The following TMPRSS11A variants were observed in gnomAD, a reference collection of about 807,000 sequenced individuals.
The protein encoded by TMPRSS11A is transmembrane serine protease 11A, also known as transmembrane protease serine 11A.
Under a neutral mutation model 58.9 loss-of-function variants are expected in TMPRSS11A, and 53 were observed. That is an observed-to-expected ratio of 0.90 (90% CI 0.72 to 1.13). The LOEUF (loss-of-function observed/expected upper bound fraction) is 1.13, where lower values mean the gene tolerates loss of function less well. Ranked by LOEUF, TMPRSS11A falls within the 50% of genes most tolerant of loss-of-function variation. The probability of loss-of-function intolerance (pLI) is 0.00; values close to 1 mark genes in which losing one functional copy is unlikely to be tolerated. For missense variants in TMPRSS11A, 493 were observed against 499.3 expected, an observed-to-expected ratio of 0.99 and a Z score of 0.12; for synonymous variants, 167 against 169.8, an observed-to-expected ratio of 0.98 and a Z score of 0.13.
At chr4:67,943,461 G>A (rs530388391) in intron 3 of TMPRSS11A, among the ~76,000 whole-genome samples, 1 of 152,246 alleles carries the variant, frequency 6.6e-6, no homozygotes, top group Admixed American at 6.5e-5. Context: ...TTTGCATCGA[G>A]GAGGTTATGT....
chr4:67,948,416 C>T (rs1354242194), intron 1 of TMPRSS11A, among the ~76,000 whole-genome samples: 3 of 152,082 alleles, frequency 2.0e-5, no homozygotes, highest in Non-Finnish European at 1.5e-5. Context: ...CCTCGGCCTC[C>T]CAAAGTGCTG....
chr4:67,947,604 A>G (rs1577869087), intron 1 of TMPRSS11A, among the ~76,000 whole-genome samples: 1 of 152,238 alleles, frequency 6.6e-6, no homozygotes, highest in Admixed American at 6.5e-5. Context: ...TGGCAAGAAT[A>G]CTTCAAAGGT....
intron 1 of TMPRSS11A, among the ~76,000 whole-genome samples, chr4:67,946,795 G>A (rs1439552359): frequency 1.3e-5 from 2 of 151,992 alleles, no homozygotes; most frequent in Non-Finnish European, 2.9e-5. Flanking sequence ...GCATTTGGTG[G>A]CCTCTTTGTG....
rs189222195 is a variant in TMPRSS11A, at chr4:67,919,131, C to G, written c.794G>C (p.Arg265Pro). ...AATGTCGTACTCTCTTGCTGCAGAGCGGTACTTCTCATGGATAATAAATCT... is the reference window on the plus strand; with the variant it reads ...AATGTCGTACTCTCTTGCTGCAGAGGGGTACTTCTCATGGATAATAAATCT... ...VRRFIIHEKY[R>P]SAAREYDIAV... The change falls in exon 8 of 10, where the codon CGC (arginine) becomes CCC (proline). Residue 265 changes from arginine to proline, a missense_variant. Physicochemically the swap from Arg to Pro is moderately radical, Grantham distance 103. Coordinates refer to ENST00000508048, the MANE Select transcript of TMPRSS11A (RefSeq NM_001114387.2). 1.2e-6 allele frequency: 2 copies of G among 1,614,026 alleles called. No individual in the cohort carries two copies. Among genetic ancestry groups the G allele is most frequent in the Admixed American group, 1.7e-5 (1 of 59,998 alleles).
At chr4:67,914,769 G>A (rs778538180) in intron 8 of TMPRSS11A, 39 bp from the exon 9 acceptor site, 1 of 1,571,294 alleles carries the variant, frequency 6.4e-7, no homozygotes, top group African/African-American at 1.4e-5. Flanking sequence ...TTTACAATCA[G>A]CATCTTTGGC....
At chr4:67,952,760 T>C (rs1484636360) in intron 1 of TMPRSS11A, among the ~76,000 whole-genome samples, 2 of 152,250 alleles carry the variant, frequency 1.3e-5, no homozygotes, top group African/African-American at 2.4e-5. Context: ...ATTCTTGATA[T>C]GTTATGTGTA....
chr4:67,937,664 G>A (rs554941084), intron 3 of TMPRSS11A, among the ~76,000 whole-genome samples: 12 of 152,138 alleles, frequency 7.9e-5, no homozygotes, highest in African/African-American at 2.9e-4. Context: ...GTAAAGAGGA[G>A]ATAAAAGTGC....
rs970341092 is a variant in TMPRSS11A, at chr4:67,928,298, G to A, written c.481+1582C>T. On this transcript the variant is annotated intron_variant, in intron 5 of 9. Transcript: ENST00000508048. ...TGACCTCAGGTGATCCACCCGCCTC[G>A]GCCTCCCAAAGTGCTGGAATTATAG... Among the ~76,000 whole-genome samples the A allele has an allele frequency of 3.3e-5, 5 of 152,066 alleles. No individual in the cohort carries two copies. In the East Asian group the frequency reaches 7.7e-4, roughly 23 times the overall value.
chr4:67,930,755 A>T (rs1239145798), intron 4 of TMPRSS11A, among the ~76,000 whole-genome samples: 1 of 93,194 alleles, frequency 1.1e-5, no homozygotes, highest in Non-Finnish European at 2.4e-5. Context: ...GTTTTTGTTT[A>T]AAAAAAAAAA....
intron 2 of TMPRSS11A, 59 bp downstream of exon 2, chr4:67,946,391 T>G: frequency 3.3e-6 from 5 of 1,519,776 alleles, no homozygotes; most frequent in South Asian, 2.6e-5. Context: ...TACATATATG[T>G]AAATGGAGCT....
chr4:67,935,368 T>A lies in TMPRSS11A; in HGVS notation c.253-3308A>T, dbSNP rs555777586. Among the ~76,000 whole-genome samples the A allele has an allele frequency of 2.6e-5, 4 of 152,320 alleles. No individual in the cohort carries two copies. In the East Asian group the frequency reaches 7.7e-4, roughly 29 times the overall value. On this transcript the variant is annotated intron_variant, in intron 3 of 9. Transcript: ENST00000508048. ...CCTTCTCATTCTGCAAGTTCTGTGT[T>A]CCTGAATCACAACTATCCTTCAAGG...
rs1319040675 is a variant in TMPRSS11A at position 67,944,521 on chromosome 4, A to T, written c.250T>A (p.Leu84Met). The T allele has an allele frequency of 2.5e-6, 4 of 1,608,378 alleles. No individual in the cohort carries two copies. The highest frequency in any genetic ancestry group is 3.4e-6 in the Non-Finnish European group (4 of 1,177,984). The stretch of plus-strand genomic sequence containing the variant: ...AAAAAGAAGTTTACCTGACTCACCA[A>T]ATTTTCGGTCGTCTCTCGTAAGTCC... ...LKDLRETTEN[L>M]VDEIFIDSAW... The change falls in exon 3 of 10, where the codon TTG becomes ATG. Residue 84 changes from leucine (L) to methionine (M), a missense_variant and splice_region_variant. Physicochemically the swap from Leu to Met is conservative, Grantham distance 15. Transcript: ENST00000508048.
At chr4:67,949,878 C>G (rs1354032257) in intron 1 of TMPRSS11A, among the ~76,000 whole-genome samples, 2 of 152,136 alleles carry the variant, frequency 1.3e-5, no homozygotes, top group Non-Finnish European at 2.9e-5. Flanking sequence ...TCATCACCTT[C>G]TCATTCTGCA....
chr4:67,920,968 G>A lies in TMPRSS11A; in HGVS notation c.693-1736C>T, dbSNP rs190863997. ...TTAGCAAACTAAAGCTCACAGTAATGATATTTATTTTCACTTATGGTTTGG... is the reference window on the plus strand; with the variant it reads ...TTAGCAAACTAAAGCTCACAGTAATAATATTTATTTTCACTTATGGTTTGG... On this transcript the variant is annotated intron_variant, in intron 7 of 9. Coordinates refer to ENST00000508048, the MANE Select transcript of TMPRSS11A (RefSeq NM_001114387.2). 1.1e-4 allele frequency among the ~76,000 whole-genome samples: 17 copies of A among 152,128 alleles called. No homozygotes were observed. In the East Asian group the frequency reaches 3.1e-3, roughly 28 times the overall value.
At chr4:67,914,807 TA>T (rs1278136105) in intron 8 of TMPRSS11A, 77 bp from the exon 9 acceptor site, 1 of 1,265,002 alleles carries the variant, frequency 7.9e-7, no homozygotes, top group African/African-American at 1.5e-5. Context: ...ACTTTCCTAA[TA>T]TTTTTTTCAT....
chr4:67,939,963 A>G (rs78504715), intron 3 of TMPRSS11A, among the ~76,000 whole-genome samples: 3,002 of 152,320 alleles, frequency 0.02, 67 homozygotes, highest in East Asian at 0.12. Flanking sequence ...TGCTGGGATT[A>G]CAAGTGTGAG....
chr4:67,912,281 A>AAC lies in TMPRSS11A; in HGVS notation c.1096-780_1096-779dup, dbSNP rs58492227. 2.9e-3 allele frequency among the ~76,000 whole-genome samples: 441 copies of AAC among 149,834 alleles called. 2 individuals are homozygous for AAC. Among genetic ancestry groups the AAC allele is most frequent in the Middle Eastern group, 0.014 (4 of 290 alleles). ...TCCTCTGAAGCTGTTCCACCATATCAACACACACACACACACACACACACA... is the reference window on the plus strand; with the variant it reads ...TCCTCTGAAGCTGTTCCACCATATCAACACACACACACACACACACACACACA... On this transcript the variant is annotated intron_variant, in intron 9 of 9. Coordinates refer to ENST00000508048, the MANE Select transcript of TMPRSS11A (RefSeq NM_001114387.2).
intron 7 of TMPRSS11A, among the ~76,000 whole-genome samples, chr4:67,922,544 T>G (rs1293742841): frequency 6.6e-6 from 1 of 152,208 alleles, no homozygotes; most frequent in African/African-American, 2.4e-5. Context: ...TTTGAGGAAA[T>G]GATTGATGGA....
At chr4:67,931,891 A>G in intron 4 of TMPRSS11A, 102 bp downstream of exon 4, 1 of 703,560 alleles carries the variant, frequency 1.4e-6, no homozygotes, top group South Asian at 2.1e-5. Context: ...AATTCTAGCC[A>G]AAAGCCTAGT....
Sources: allele counts gnomAD v4.1 joint callset (sites outside exome capture counted in the v4.1 genomes callset), GRCh38; gene constraint gnomAD v4.1.1; transcripts MANE v1.5; gene names NCBI Gene and HGNC (gene_info 2026-07-23, HGNC 2026-07-21).